ZSCAN30: variants seen among roughly 807,000 people sequenced by gnomAD.
ZSCAN30 encodes zinc finger and SCAN domain containing 30, also known as zinc finger and SCAN domain-containing protein 30.
Under a neutral mutation model 44.3 loss-of-function variants are expected in ZSCAN30, and 37 were observed. The ratio of observed to expected loss-of-function variants is 0.84; its 90% CI spans 0.64 to 1.10. The LOEUF (loss-of-function observed/expected upper bound fraction) is 1.10. Ranked by LOEUF, ZSCAN30 falls within the 50% of genes least tolerant of loss-of-function variation. The pLI, the probability that ZSCAN30 is intolerant of heterozygous loss-of-function variation, is 0.00. For synonymous variants in ZSCAN30, 181 were observed against 204.6 expected (o/e 0.88, Z 0.98); for missense variants, 549 against 582.6 (o/e 0.94, Z 0.59).
In ZSCAN30 at chr18:35,251,861, T is replaced by C. The variant is rs979263316; in HGVS notation, c.*1589A>G. ...TCTTCATAGCACTGTGAAAATGGAC[T>C]AATACAAGCAGTGATCACCAAGTCT... On this transcript the variant is annotated 3_prime_UTR_variant, in exon 4 of 4. Transcript: ENST00000333206. 5 of 152,018 alleles carry C rather than the reference T, an allele frequency of 3.3e-5. No individual in the cohort carries two copies. Among genetic ancestry groups the C allele is most frequent in the Admixed American group, 1.3e-4 (2 of 15,246 alleles). The allele number at this position is 152,018 out of a possible 1,614,324, so 9.4% of individuals were successfully genotyped here.
intron 1 of ZSCAN30, among the ~76,000 whole-genome samples, chr18:35,272,948 C>T (rs2044308890): frequency 6.6e-6 from 1 of 152,338 alleles, no homozygotes; most frequent in Non-Finnish European, 1.5e-5. Flanking sequence ...GACTTATTCA[C>T]TTCCACGAGA....
At chr18:35,289,266 C>T (rs2044610344) in intron 1 of ZSCAN30, 1 of 152,156 alleles carries the variant, frequency 6.6e-6, no homozygotes, top group South Asian at 2.1e-4. Flanking sequence ...CTAAGCTGCG[C>T]CTGGCCAAAA....
intron 1 of ZSCAN30, among the ~76,000 whole-genome samples, chr18:35,279,019 C>T (rs1247107803): frequency 6.6e-6 from 1 of 152,306 alleles, no homozygotes; most frequent in South Asian, 2.1e-4. Flanking sequence ...CTTCTGAGCC[C>T]TTACCAGAAT....
rs1287910960 is a variant in ZSCAN30, at chr18:35,264,197, C to A, written c.156G>T (p.Arg52Ser). The A allele has an allele frequency of 3.7e-6, 6 of 1,614,208 alleles. No individual in the cohort carries two copies. The highest frequency in any genetic ancestry group is 5.1e-6 in the Non-Finnish European group (6 of 1,180,042). ...WSQEVFRQKF[R>S]QFSYSDSTGP... Reference sequence around the variant, plus strand: ...CAGTGGAGTCAGAGTAACTAAACTGCCTGAACTTCTGCCGGAATACCTCTT... The same window carrying A: ...CAGTGGAGTCAGAGTAACTAAACTGACTGAACTTCTGCCGGAATACCTCTT... The change falls in exon 2 of 4, where the codon AGG becomes AGT. Residue 52 changes from arginine to serine, a missense_variant. Transcript: ENST00000333206.
intron 2 of ZSCAN30, 55 bp downstream of exon 2, chr18:35,263,890 T>C (rs781533552): frequency 4.4e-5 from 69 of 1,560,062 alleles, no homozygotes; most frequent in Admixed American, 5.6e-5. Context: ...GTCATAATTA[T>C]GGCTTCCCCA....
At position 35,264,196 on chromosome 18, in the gene ZSCAN30, G is replaced by A. The variant is rs773365939; in HGVS notation, c.157C>T (p.Gln53Ter). Residue 53 changes from glutamine to a stop codon, truncating the protein, a stop_gained, in exon 2 of 4, where the codon CAG becomes TAG. Coordinates refer to ENST00000333206, the MANE Select transcript of ZSCAN30 (RefSeq NM_001112734.4). LOFTEE classifies it high-confidence loss of function. ...SQEVFRQKFR[Q>*]FSYSDSTGPR... Reference sequence around the variant, plus strand: ...CCAGTGGAGTCAGAGTAACTAAACTGCCTGAACTTCTGCCGGAATACCTCT... The same window carrying A: ...CCAGTGGAGTCAGAGTAACTAAACTACCTGAACTTCTGCCGGAATACCTCT... The A allele has an allele frequency of 4.3e-6, 7 of 1,614,078 alleles. No homozygotes were observed. The Admixed American group carries it at 1.0e-4, about 23-fold the overall frequency.
chr18:35,253,331 T>C lies in ZSCAN30; in HGVS notation c.*119A>G. 1 of 724,202 alleles carries C rather than the reference T, an allele frequency of 1.4e-6. No individual in the cohort carries two copies. Among genetic ancestry groups the C allele is most frequent in the Non-Finnish European group, 2.2e-6 (1 of 452,166 alleles). The allele number at this position is 724,202 out of a possible 1,614,324, so 44.9% of individuals were successfully genotyped here. A position where few individuals can be genotyped will look rare whatever the true frequency, so the allele number is the denominator to read the frequency against. On this transcript the variant is annotated 3_prime_UTR_variant, in exon 4 of 4. Coordinates refer to ENST00000333206, the MANE Select transcript of ZSCAN30 (RefSeq NM_001112734.4). ...TCTTTGTGTGCATGTCTTCTTATAG[T>C]ACCGAACTGGGAGGGAAGGACAGAA...
At position 35,254,203 on chromosome 18, in the gene ZSCAN30, C is replaced by A; in HGVS notation, c.732G>T (p.Gly244=). The stretch of plus-strand genomic sequence containing the variant: ...GGGAAGGAAGCTGACTGATTTTGTT[C>A]CCTGCAGCATTTCCCTTTTGCTTCT... ...NSKKQKGNAA[G]NKISQLPSQD... is the part of the protein sequence containing the mutation. Residue 244 remains glycine (G), a synonymous_variant, in exon 4 of 4, where the codon GGG becomes GGT. Transcript: ENST00000333206. The A allele has an allele frequency of 3.7e-6, 6 of 1,614,120 alleles. No homozygotes were observed. The highest frequency in any genetic ancestry group is 5.1e-6 in the Non-Finnish European group (6 of 1,180,012).
chr18:35,267,530 C>G (rs1346130962), intron 1 of ZSCAN30: 1 of 152,064 alleles, frequency 6.6e-6, no homozygotes, highest in East Asian at 1.9e-4. Context: ...GAACAATGCC[C>G]GGCCGCACGC....
At chr18:35,254,624 A>G (rs2043728785) in intron 3 of ZSCAN30, 1 of 631,894 alleles carries the variant, frequency 1.6e-6, no homozygotes, top group African/African-American at 1.8e-5. Flanking sequence ...ACAAGGAAAG[A>G]CATTAGTTAG....
At chr18:35,264,546 A>G in intron 1 of ZSCAN30, 91 bp from the exon 2 acceptor site, 1 of 582,046 alleles carries the variant, frequency 1.7e-6, no homozygotes, top group Non-Finnish European at 2.9e-6. Flanking sequence ...CAGGGAGCAT[A>G]GCATTGTAAA....
intron 3 of ZSCAN30, chr18:35,258,118 T>C: frequency 1.5e-6 from 1 of 667,672 alleles, no homozygotes. Flanking sequence ...TTAAACCTCA[T>C]GACCTAGGTG....
intron 1 of ZSCAN30, chr18:35,270,233 A>G (rs2044243247): frequency 7.0e-6 from 1 of 143,604 alleles, no homozygotes; most frequent in African/African-American, 2.6e-5. Context: ...AATGAATGCG[A>G]AAGTATATGG....
intron 1 of ZSCAN30, 53 bp from the exon 2 acceptor site, chr18:35,264,508 TA>T: frequency 1.2e-6 from 1 of 806,940 alleles, no homozygotes; most frequent in Non-Finnish European, 1.9e-6. Flanking sequence ...ACTTGGAATA[TA>T]AATACAGGTT....
At chr18:35,263,242 T>TA (rs71265098) in intron 3 of ZSCAN30, 11,644 of 276,854 alleles carry the variant, frequency 0.042, 20 homozygotes, top group Middle Eastern at 0.064. Flanking sequence ...AGACCCCATC[T>TA]AAAAAAAAAA....
Position 35,271,970 on chromosome 18 carries a change from C to T in ZSCAN30, c.-103-7515G>A, listed in dbSNP as rs181414722. On this transcript the variant is annotated intron_variant, in intron 1 of 3. Transcript: ENST00000333206. ...GGGGCCCGCCGAGCCCGCGCCCACC[C>T]GGAACTCGCGCTGGCACGGTTCCCG... Among the ~76,000 whole-genome samples the T allele has an allele frequency of 4.1e-4, 62 of 152,248 alleles. 1 individual carries two copies. The highest frequency in any genetic ancestry group is 3.8e-3 in the Admixed American group (58 of 15,300).
chr18:35,267,991 T>A (rs1434559989), intron 1 of ZSCAN30: 4 of 152,082 alleles, frequency 2.6e-5, no homozygotes, highest in African/African-American at 9.7e-5. Context: ...GGGGTCGGGA[T>A]GGGGGGCAGG....
intron 1 of ZSCAN30, among the ~76,000 whole-genome samples, chr18:35,274,200 T>C (rs572315733): frequency 1.3e-5 from 2 of 152,210 alleles, no homozygotes; most frequent in South Asian, 2.1e-4. Flanking sequence ...GGGCTTTTTT[T>C]TGCTTGTTTT....
At chr18:35,264,761 C>T (rs1463662040) in intron 1 of ZSCAN30, among the ~76,000 whole-genome samples, 1 of 152,152 alleles carries the variant, frequency 6.6e-6, no homozygotes, top group Non-Finnish European at 1.5e-5. Flanking sequence ...GATTACATCT[C>T]AGAAATAACC....
Sources: allele counts gnomAD v4.1 joint callset (sites outside exome capture counted in the v4.1 genomes callset), GRCh38; gene constraint gnomAD v4.1.1; transcripts MANE v1.5; gene names NCBI Gene and HGNC (gene_info 2026-07-23, HGNC 2026-07-21).